SLC16A7: variants seen among roughly 807,000 people sequenced by gnomAD.
SLC16A7 encodes the protein solute carrier family 16 member 7, also known as monocarboxylate transporter 2.
A neutral mutation model predicts 34.9 loss-of-function variants in SLC16A7; 33 were observed. The ratio of observed to expected loss-of-function variants is 0.94; its 90% confidence interval spans 0.72 to 1.26. The LOEUF is 1.26. Ranked by LOEUF, SLC16A7 falls within the 50% of genes most tolerant of loss-of-function variation. The probability of loss-of-function intolerance (pLI) is 0.00; values close to 1 mark genes in which losing one functional copy is unlikely to be tolerated. For missense variants in SLC16A7, 573 were observed against 578.1 expected, an observed-to-expected ratio of 0.99 and a Z score of 0.09; for synonymous variants, 201 against 206.6, an observed-to-expected ratio of 0.97 and a Z score of 0.23.
intron 2 of SLC16A7, among the ~76,000 whole-genome samples, chr12:59,682,245 T>A (rs1870799515): frequency 6.6e-6 from 1 of 152,194 alleles, no homozygotes; most frequent in African/African-American, 2.4e-5. Context: ...ATTGCATGAA[T>A]AACAAACTAC....
intron 3 of SLC16A7, among the ~76,000 whole-genome samples, chr12:59,730,397 G>C (rs1026497363): frequency 6.6e-6 from 1 of 150,622 alleles, no homozygotes; most frequent in Admixed American, 6.6e-5. Context: ...TGACCTACTG[G>C]AATTTCCAAA....
intron 1 of SLC16A7, among the ~76,000 whole-genome samples, chr12:59,606,250 G>A (rs1251989648): frequency 6.6e-6 from 1 of 152,148 alleles, no homozygotes; most frequent in African/African-American, 2.4e-5. Context: ...TGATATTGAT[G>A]CTGCAAAAAT....
chr12:59,630,476 A>G (rs1041578899), intron 1 of SLC16A7, among the ~76,000 whole-genome samples: 10 of 151,896 alleles, frequency 6.6e-5, no homozygotes, highest in African/African-American at 1.7e-4. Context: ...CTGGTGAAAT[A>G]TCTTTCATCA....
chr12:59,679,622 A>G (rs1870590525), intron 2 of SLC16A7, among the ~76,000 whole-genome samples: 1 of 152,230 alleles, frequency 6.6e-6, no homozygotes, highest in African/African-American at 2.4e-5. Context: ...TGATGTAATT[A>G]TCTACTTTAT....
chr12:59,629,706 T>C (rs1002263385), intron 1 of SLC16A7, among the ~76,000 whole-genome samples: 11 of 151,930 alleles, frequency 7.2e-5, no homozygotes, highest in Admixed American at 5.3e-4. Context: ...TGTATGACTT[T>C]CTGTGTCTAA....
At chr12:59,698,662 G>A (rs1277153880) in intron 2 of SLC16A7, among the ~76,000 whole-genome samples, 1 of 151,746 alleles carries the variant, frequency 6.6e-6, no homozygotes, top group Non-Finnish European at 1.5e-5. Context: ...ATCTTCTGTT[G>A]ATATTTTCTG....
At chr12:59,770,568 A>C (rs1882122150) in intron 3 of SLC16A7, among the ~76,000 whole-genome samples, 1 of 152,200 alleles carries the variant, frequency 6.6e-6, no homozygotes, top group Admixed American at 6.6e-5. Flanking sequence ...ACAGGAAATA[A>C]TAACCAAATT....
intron 2 of SLC16A7, among the ~76,000 whole-genome samples, chr12:59,675,511 T>A (rs1432845937): frequency 6.6e-6 from 1 of 152,110 alleles, no homozygotes; most frequent in African/African-American, 2.4e-5. Context: ...AAATTTCCAT[T>A]GTTGAAGCCA....
Position 59,621,629 on chromosome 12 carries a change from T to C in SLC16A7, c.-130+25393T>C, listed in dbSNP as rs139035958. On this transcript the variant is annotated intron_variant, in intron 1 of 5. Coordinates refer to ENST00000547379, the MANE Select transcript of SLC16A7 (RefSeq NM_001270623.2). The stretch of plus-strand genomic sequence containing the variant: ...GGCAAAACACTTAGATTATGTGGTA[T>C]GAACATAGTTTTGTTTTGAATTTTA... Among the ~76,000 whole-genome samples the C allele has an allele frequency of 7.9e-5, 12 of 152,042 alleles. No homozygotes were observed. In the East Asian group the frequency reaches 2.1e-3, roughly 27 times the overall value.
At chr12:59,599,975 G>A (rs1878606909) in intron 1 of SLC16A7, among the ~76,000 whole-genome samples, 1 of 152,100 alleles carries the variant, frequency 6.6e-6, no homozygotes, top group Non-Finnish European at 1.5e-5. Flanking sequence ...GACAGGACAG[G>A]GCAGACGAGG....
intron 1 of SLC16A7, among the ~76,000 whole-genome samples, chr12:59,610,517 G>T (rs1879144967): frequency 6.6e-6 from 1 of 151,996 alleles, no homozygotes; most frequent in Non-Finnish European, 1.5e-5. Context: ...TATTAAAGAG[G>T]TGTATTCAGC....
intron 2 of SLC16A7, among the ~76,000 whole-genome samples, chr12:59,657,280 A>G (rs917517295): frequency 1.3e-5 from 2 of 151,976 alleles, no homozygotes; most frequent in Non-Finnish European, 2.9e-5. Context: ...ATGCTTTGAA[A>G]TACCTCTTCT....
chr12:59,724,664 G>A (rs767232962), intron 3 of SLC16A7, among the ~76,000 whole-genome samples: 17 of 151,978 alleles, frequency 1.1e-4, no homozygotes, highest in Admixed American at 6.6e-5. Flanking sequence ...TAAAAGAAAA[G>A]GGCTAGAGTT....
rs1220812110 is a variant in SLC16A7, at chr12:59,784,335, G to T, written c.*4656G>T. On this transcript the variant is annotated 3_prime_UTR_variant, in exon 6 of 6. Transcript: ENST00000547379. ...TCAGTGAGCTATAATGGCCCCACTT[G>T]CAGTCCAGCCTAGGCAATAGAGTGA... The T allele has an allele frequency of 6.6e-6, 1 of 151,792 alleles. No homozygotes were observed. The highest frequency in any genetic ancestry group is 1.5e-5 in the Non-Finnish European group (1 of 67,976). The allele number at this position is 151,792 out of a possible 1,614,324, so 9.4% of individuals were successfully genotyped here. A position where few individuals can be genotyped will look rare whatever the true frequency, so the allele number is the denominator to read the frequency against.
chr12:59,597,272 A>ACACAC (rs1878465440), intron 1 of SLC16A7: 3 of 143,976 alleles, frequency 2.1e-5, no homozygotes, highest in South Asian at 4.5e-4. Flanking sequence ...CACACACACG[A>ACACAC]GACATAGAAG....
intron 3 of SLC16A7, among the ~76,000 whole-genome samples, chr12:59,756,207 C>A (rs1475408985): frequency 1.3e-5 from 2 of 149,830 alleles, no homozygotes; most frequent in Non-Finnish European, 1.5e-5. Flanking sequence ...GCAAGGACTT[C>A]ATGTCTAAAA....
At chr12:59,669,663 C>G (rs1014574123) in intron 2 of SLC16A7, among the ~76,000 whole-genome samples, 22 of 151,440 alleles carry the variant, frequency 1.5e-4, no homozygotes, top group African/African-American at 5.1e-4. Flanking sequence ...CACACACACA[C>G]ACACACACAC....
In SLC16A7 at chr12:59,779,781, G is replaced by T; in HGVS notation, c.*102G>T. 1 of 912,042 alleles carries T rather than the reference G, an allele frequency of 1.1e-6. No individual in the cohort carries two copies. 56.5% of individuals were successfully genotyped at this position (912,042 alleles called of 1,614,324 possible). A position where few individuals can be genotyped will look rare whatever the true frequency, so the allele number is the denominator to read the frequency against. ...TAGAAAAGGTTTTAGCTGAAATGAGGAGTCACAATTAAGGATGGAGGTGAT... is the reference window on the plus strand; with the variant it reads ...TAGAAAAGGTTTTAGCTGAAATGAGTAGTCACAATTAAGGATGGAGGTGAT... On this transcript the variant is annotated 3_prime_UTR_variant, in exon 6 of 6. Transcript: ENST00000547379.
chr12:59,729,011 G>C (rs1406704519), intron 3 of SLC16A7, among the ~76,000 whole-genome samples: 3 of 151,992 alleles, frequency 2.0e-5, no homozygotes, highest in Admixed American at 2.0e-4. Flanking sequence ...ATTCATTTTT[G>C]TCAATGAAAA....
Sources: allele counts gnomAD v4.1 joint callset (sites outside exome capture counted in the v4.1 genomes callset), GRCh38; gene constraint gnomAD v4.1.1; transcripts MANE v1.5; gene names NCBI Gene and HGNC (gene_info 2026-07-23, HGNC 2026-07-21).